The following THBD variants were observed in gnomAD, a reference collection of about 807,000 sequenced individuals.
THBD encodes thrombomodulin.
For synonymous variants in THBD, 449 were observed against 374.2 expected (o/e 1.20, Z -2.31); for missense variants, 850 against 816.9 (o/e 1.04, Z -0.49).
rs891226034 is a variant in THBD at position 23,047,414 on chromosome 20, A to C, written c.*363T>G. On this transcript the variant is annotated 3_prime_UTR_variant, in exon 1 of 1. Coordinates refer to ENST00000377103, the MANE Select transcript of THBD (RefSeq NM_000361.3). ...CAAACAAAAACCTAAATACTTAAAA[A>C]AAATAAATATTTTAGTCATCCCTAG... 3 of 293,240 alleles carry C rather than the reference A, an allele frequency of 1.0e-5. No homozygotes were observed. Among genetic ancestry groups the C allele is most frequent in the Non-Finnish European group, 1.9e-5 (3 of 156,860 alleles). The allele number at this position is 293,240 out of a possible 1,614,324, so 18.2% of individuals were successfully genotyped here.
rs752380851 is a variant in THBD, at chr20:23,049,189, G to T, written c.316C>A (p.Arg106Ser). 5.1e-6 allele frequency: 8 copies of T among 1,567,960 alleles called. No individual in the cohort carries two copies. The highest frequency in any genetic ancestry group is 3.5e-5 in the South Asian group (3 of 85,788). The part of the protein sequence containing the change: ...CGDPKRLGPL[R>S]GFQWVTGDNN... ...TCTCCCGTAACCCACTGGAAGCCGCGCAGGGGCCCGAGGCGCTTGGGGTCG... is the reference window on the plus strand; with the variant it reads ...TCTCCCGTAACCCACTGGAAGCCGCTCAGGGGCCCGAGGCGCTTGGGGTCG... Residue 106 changes from arginine (R) to serine (S), a missense_variant, in exon 1 of 1, where the codon CGC (arginine) becomes AGC (serine). By Grantham distance (110) the Arg-to-Ser change is moderately radical. Transcript: ENST00000377103.
rs1984554494 is a variant in THBD at position 23,045,721 on chromosome 20, GAC to G, written c.*2054_*2055del. ...GCATTTATGCATTTAAAAGCACAGA[GAC>G]ACAAGTCCTCATATATGAAGTTGTT... On this transcript the variant is annotated 3_prime_UTR_variant, in exon 1 of 1. Coordinates refer to ENST00000377103, the MANE Select transcript of THBD (RefSeq NM_000361.3). The G allele has an allele frequency of 6.6e-6, 1 of 152,138 alleles. No individual in the cohort carries two copies. Among genetic ancestry groups the G allele is most frequent in the Non-Finnish European group, 1.5e-5 (1 of 68,044 alleles). The allele number at this position is 152,138 out of a possible 1,614,324, so 9.4% of individuals were successfully genotyped here. A position where few individuals can be genotyped will look rare whatever the true frequency, so the allele number is the denominator to read the frequency against.
Position 23,047,694 on chromosome 20 carries a change from C to A in THBD, c.*83G>T. ...GGGAGGGTCTTCTCCAGCTGTAATG[C>A]CAGCTAAGGTGCTTTGGTAGCAAAG... On this transcript the variant is annotated 3_prime_UTR_variant, in exon 1 of 1. Coordinates refer to ENST00000377103, the MANE Select transcript of THBD (RefSeq NM_000361.3). 6.8e-7 allele frequency: 1 copy of A among 1,470,614 alleles called. No individual in the cohort carries two copies. The highest frequency in any genetic ancestry group is 2.4e-4 in the Middle Eastern group (1 of 4,154). The allele number at this position is 1,470,614 out of a possible 1,614,324, so 91.1% of individuals were successfully genotyped here.
chr20:23,048,628 CG>C lies in THBD; in HGVS notation c.876del (p.Cys292TrpfsTer90). The C allele has an allele frequency of 6.3e-7, 1 of 1,597,120 alleles. No individual in the cohort carries two copies. The highest frequency in any genetic ancestry group is 8.5e-7 in the Non-Finnish European group (1 of 1,179,012). ...ASATQSCNDL[C>X]EHFCVPNPDQ... is the part of the protein sequence containing the mutation. Reference sequence around the variant, plus strand: ...TCGGGGTTGGGAACGCAGAAGTGCTCGCAGAGGTCGTTGCAGGACTGCGTCG... The same window carrying C: ...TCGGGGTTGGGAACGCAGAAGTGCTCCAGAGGTCGTTGCAGGACTGCGTCG... On this transcript the variant is annotated frameshift_variant, in exon 1 of 1. Coordinates refer to ENST00000377103, the MANE Select transcript of THBD (RefSeq NM_000361.3). LOFTEE classifies it low-confidence loss of function (END_TRUNC).
rs774143808 is a variant in THBD, at chr20:23,046,298, T to C, written c.*1479A>G. On this transcript the variant is annotated 3_prime_UTR_variant, in exon 1 of 1. Coordinates refer to ENST00000377103, the MANE Select transcript of THBD (RefSeq NM_000361.3). ...AGCAAAGCTACACAAAGAAAATTCC[T>C]CAGTTTCTTGAAAATAAGGGCCTGA... 6.6e-6 allele frequency: 1 copy of C among 152,468 alleles called. No individual in the cohort carries two copies. Among genetic ancestry groups the C allele is most frequent in the African/African-American group, 2.4e-5 (1 of 41,438 alleles). 9.4% of individuals were successfully genotyped at this position (152,468 alleles called of 1,614,324 possible).
Position 23,046,850 on chromosome 20 carries a change from TAAG to T in THBD, c.*924_*926del, listed in dbSNP as rs1226568935. ...AATAATAACAAAAAAGGAAATTGCA[TAAG>T]AAGATTAGCAACAATTACCATTTTT... On this transcript the variant is annotated 3_prime_UTR_variant, in exon 1 of 1. Transcript: ENST00000377103. 2 of 152,206 alleles carry T rather than the reference TAAG, an allele frequency of 1.3e-5. No homozygotes were observed. Among genetic ancestry groups the T allele is most frequent in the East Asian group, 3.8e-4 (2 of 5,204 alleles). The allele number at this position is 152,206 out of a possible 1,614,324, so 9.4% of individuals were successfully genotyped here. A position where few individuals can be genotyped will look rare whatever the true frequency, so the allele number is the denominator to read the frequency against.
rs1984573668 is a variant in THBD, at chr20:23,046,497, TC to T, written c.*1279del. On this transcript the variant is annotated 3_prime_UTR_variant, in exon 1 of 1. Transcript: ENST00000377103. ...CTAGGATTCTGCATTTCTAACCAGC[TC>T]CCATGGGCAGGGCAGCTTCCAATTC... 1 of 152,128 alleles carries T rather than the reference TC, an allele frequency of 6.6e-6. No individual in the cohort carries two copies. Among genetic ancestry groups the T allele is most frequent in the African/African-American group, 2.4e-5 (1 of 41,418 alleles). The allele number at this position is 152,128 out of a possible 1,614,324, so 9.4% of individuals were successfully genotyped here.
In THBD at chr20:23,048,758, G is replaced by A. The variant is rs886056546; in HGVS notation, c.747C>T (p.Asn249=). ...APGAWDCSVE[N]GGCEHACNAI... is the part of the protein sequence containing the mutation. ...CATTGCACGCGTGCTCGCAGCCGCC[G>A]TTCTCCACGCTGCAGTCCCAAGCGC... Residue 249 remains asparagine (N), a synonymous_variant, in exon 1 of 1, where the codon AAC becomes AAT. Transcript: ENST00000377103. The A allele has an allele frequency of 1.9e-6, 3 of 1,559,274 alleles. No individual in the cohort carries two copies. Among genetic ancestry groups the A allele is most frequent in the African/African-American group, 2.7e-5 (2 of 74,044 alleles).
Position 23,049,590 on chromosome 20 carries a change from C to A in THBD, c.-86G>T. 6.6e-7 allele frequency: 1 copy of A among 1,509,280 alleles called. No homozygotes were observed. 93.5% of individuals were successfully genotyped at this position (1,509,280 alleles called of 1,614,324 possible). ...GCCGGAGCAGAGGGGCACAGGACGC[C>A]GATGGCGACAGCCTCTCCTGTCCGT... is the stretch of plus-strand genomic sequence containing the variant. On this transcript the variant is annotated 5_prime_UTR_variant, in exon 1 of 1. Coordinates refer to ENST00000377103, the MANE Select transcript of THBD (RefSeq NM_000361.3).
In THBD at chr20:23,048,412, G is replaced by A. The variant is rs370629537; in HGVS notation, c.1093C>T (p.Pro365Ser). Residue 365 changes from proline (P) to serine (S), a missense_variant, in exon 1 of 1, where the codon CCC becomes TCC. Physicochemically the swap from Pro to Ser is moderately conservative, Grantham distance 74. Transcript: ENST00000377103. The stretch of plus-strand genomic sequence containing the variant: ...TTGGCTCTGAAGCACGGGTCCACGG[G>A]CTCCACACACTCGCCGTCCACCAGG... ...YDLVDGECVE[P>S]VDPCFRANCE... The A allele has an allele frequency of 3.7e-6, 6 of 1,613,892 alleles. No homozygotes were observed. In the African/African-American group the frequency reaches 6.7e-5, roughly 18 times the overall value.
Position 23,048,585 on chromosome 20 carries a change from G to T in THBD, c.920C>A (p.Ser307Ter), listed in dbSNP as rs372556297. Reference sequence around the variant, plus strand: ...CCGGTAGCCGGTCTCGCACATGCACGAGTAGGAGCCCGGCTGGTCGGGGTT... The same window carrying T: ...CCGGTAGCCGGTCTCGCACATGCACTAGTAGGAGCCCGGCTGGTCGGGGTT... ...VPNPDQPGSYSCMCETGYRLA... is the reference protein window; with the variant it reads ...VPNPDQPGSY Residue 307 changes from serine (S) to a stop codon, truncating the protein, a stop_gained, in exon 1 of 1, where the codon TCG becomes TAG. Transcript: ENST00000377103. LOFTEE classifies it low-confidence loss of function (END_TRUNC). The T allele has an allele frequency of 6.3e-7, 1 of 1,599,696 alleles. No individual in the cohort carries two copies. The highest frequency in any genetic ancestry group is 8.5e-7 in the Non-Finnish European group (1 of 1,179,732).
rs77670413 is a variant in THBD at position 23,047,726 on chromosome 20, G to A, written c.*51C>T. On this transcript the variant is annotated 3_prime_UTR_variant, in exon 1 of 1. Transcript: ENST00000377103. ...AGGTGCTTTGGTAGCAAAGCTGGGGGTGAGGAGGCACAGGCTCCTGGACGG... is the reference window on the plus strand; with the variant it reads ...AGGTGCTTTGGTAGCAAAGCTGGGGATGAGGAGGCACAGGCTCCTGGACGG... 3.8e-5 allele frequency: 58 copies of A among 1,530,644 alleles called. No homozygotes were observed. In the African/African-American group the frequency reaches 7.1e-4, roughly 19 times the overall value. The allele number at this position is 1,530,644 out of a possible 1,614,324, so 94.8% of individuals were successfully genotyped here. A position where few individuals can be genotyped will look rare whatever the true frequency, so the allele number is the denominator to read the frequency against.
rs13306850 is a variant in THBD at position 23,049,531 on chromosome 20, G to A, written c.-27C>T. ...TTACCCAGGCGCGCCGCGTGCAGGCGCCGGGGAAAGCGCGGGCACTGCGAC... is the reference window on the plus strand; with the variant it reads ...TTACCCAGGCGCGCCGCGTGCAGGCACCGGGGAAAGCGCGGGCACTGCGAC... On this transcript the variant is annotated 5_prime_UTR_variant, in exon 1 of 1. Coordinates refer to ENST00000377103, the MANE Select transcript of THBD (RefSeq NM_000361.3). The A allele has an allele frequency of 6.5e-7, 1 of 1,532,574 alleles. No homozygotes were observed. Among genetic ancestry groups the A allele is most frequent in the Non-Finnish European group, 8.8e-7 (1 of 1,138,274 alleles). 94.9% of individuals were successfully genotyped at this position (1,532,574 alleles called of 1,614,324 possible). A position where few individuals can be genotyped will look rare whatever the true frequency, so the allele number is the denominator to read the frequency against.
Position 23,049,481 on chromosome 20 carries a change from G to T in THBD, c.24C>A (p.Gly8=), listed in dbSNP as rs1255179066. 3.2e-6 allele frequency: 5 copies of T among 1,541,268 alleles called. No homozygotes were observed. Among genetic ancestry groups the T allele is most frequent in the South Asian group, 1.2e-5 (1 of 83,832 alleles). The change falls in exon 1 of 1, where the codon GGC becomes GGA. Residue 8 remains glycine, a synonymous_variant. Transcript: ENST00000377103. ...ACCCCAGGCCGGCCAGGGCCAGCGC[G>T]CCAAGGACCAGGACCCCAAGCATGT... The part of the protein sequence containing the change: MLGVLVL[G]ALALAGLGFP...
At position 23,046,067 on chromosome 20, in the gene THBD, C is replaced by T. The variant is rs542015016; in HGVS notation, c.*1710G>A. On this transcript the variant is annotated 3_prime_UTR_variant, in exon 1 of 1. Coordinates refer to ENST00000377103, the MANE Select transcript of THBD (RefSeq NM_000361.3). Reference sequence around the variant, plus strand: ...GGATTTTGCCTGTGTTCTAGATTATCTCCAATAAATAAATAACTATGTACA... The same window carrying T: ...GGATTTTGCCTGTGTTCTAGATTATTTCCAATAAATAAATAACTATGTACA... The T allele has an allele frequency of 3.7e-4, 56 of 152,396 alleles. No individual in the cohort carries two copies. The highest frequency in any genetic ancestry group is 1.3e-3 in the African/African-American group (53 of 41,570). The allele number at this position is 152,396 out of a possible 1,614,324, so 9.4% of individuals were successfully genotyped here.
Position 23,047,447 on chromosome 20 carries a change from G to C in THBD, c.*330C>G, listed in dbSNP as rs979671052. On this transcript the variant is annotated 3_prime_UTR_variant, in exon 1 of 1. Coordinates refer to ENST00000377103, the MANE Select transcript of THBD (RefSeq NM_000361.3). ...TATTTTAGTCATCCCTAGCCCACGA[G>C]GTCAAGGTCTGCCCAGAAGGCTGCC... 6.9e-6 allele frequency: 3 copies of C among 435,270 alleles called. No individual in the cohort carries two copies. Among genetic ancestry groups the C allele is most frequent in the African/African-American group, 4.0e-5 (2 of 50,026 alleles). The allele number at this position is 435,270 out of a possible 1,614,324, so 27.0% of individuals were successfully genotyped here.
chr20:23,048,059 G>C lies in THBD; in HGVS notation c.1446C>G (p.Ser482=). ...LARHIGTDCD[S]GKVDGGDSGS... ...CGCTGTCGCCACCGTCCACCTTGCC[G>C]GAGTCACAGTCGGTGCCAATGTGGC... Residue 482 remains serine (S), a synonymous_variant, in exon 1 of 1, where the codon TCC becomes TCG. Transcript: ENST00000377103. 6.2e-7 allele frequency: 1 copy of C among 1,612,702 alleles called. No homozygotes were observed. Among genetic ancestry groups the C allele is most frequent in the Non-Finnish European group, 8.5e-7 (1 of 1,179,554 alleles).
chr20:23,049,019 G>C lies in THBD; in HGVS notation c.486C>G (p.Ala162=). 1.3e-6 allele frequency: 2 copies of C among 1,573,446 alleles called. No homozygotes were observed. Among genetic ancestry groups the C allele is most frequent in the Non-Finnish European group, 1.7e-6 (2 of 1,158,928 alleles). The change falls in exon 1 of 1, where the codon GCC becomes GCG. Residue 162 remains alanine, a synonymous_variant. Coordinates refer to ENST00000377103, the MANE Select transcript of THBD (RefSeq NM_000361.3). The stretch of plus-strand genomic sequence containing the variant: ...AGTGGAACTCGCAGAGGAAGCCATC[G>C]GCCTTCACTTCGCACTGCTGCTCCT... ...IWEEQQCEVK[A]DGFLCEFHFP...
At position 23,048,163 on chromosome 20, in the gene THBD, C is replaced by T; in HGVS notation, c.1342G>A (p.Gly448Ser). 6.2e-7 allele frequency: 1 copy of T among 1,613,982 alleles called. No homozygotes were observed. Among genetic ancestry groups the T allele is most frequent in the Non-Finnish European group, 8.5e-7 (1 of 1,180,038 alleles). The change falls in exon 1 of 1, where the codon GGC becomes AGC. Residue 448 changes from glycine (G) to serine (S), a missense_variant. Coordinates refer to ENST00000377103, the MANE Select transcript of THBD (RefSeq NM_000361.3). The part of the protein sequence containing the change: ...ICTDIDECEN[G>S]GFCSGVCHNL... ...TGGCACACCCCGGAGCAGAAGCCGC[C>T]GTTTTCGCACTCGTCGATGTCCGTG...
Sources: allele counts gnomAD v4.1 joint callset, GRCh38; gene constraint gnomAD v4.1.1; transcripts MANE v1.5; gene names NCBI Gene and HGNC (gene_info 2026-07-23, HGNC 2026-07-21).